ROR2: variants seen among roughly 807,000 people sequenced by gnomAD.
ROR2 encodes the protein ROR family WNT receptor 2, also known as tyrosine-protein kinase transmembrane receptor ROR2.
A neutral mutation model predicts 74.9 loss-of-function variants in ROR2; 33 were observed. That is an observed-to-expected ratio of 0.44 (90% CI 0.33 to 0.59). The LOEUF (loss-of-function observed/expected upper bound fraction) is 0.59. Ranked by LOEUF, ROR2 falls within the 20% of genes least tolerant of loss-of-function variation. The probability of loss-of-function intolerance (pLI) is 0.02; values close to 1 mark genes in which losing one functional copy is unlikely to be tolerated. For missense variants in ROR2, 1,216 were observed against 1,313.8 expected (o/e 0.93, Z 1.15); for synonymous variants, 586 against 558.7 (o/e 1.05, Z -0.69).
intron 7 of ROR2, 108 bp downstream of exon 7, chr9:91,730,802 G>C: frequency 1.4e-6 from 2 of 1,439,640 alleles, no homozygotes; most frequent in Non-Finnish European, 1.9e-6. Context: ...GGGGTCTCTG[G>C]TCGCCACCGT....
At chr9:91,790,214 A>G (rs1322749309) in intron 1 of ROR2, among the ~76,000 whole-genome samples, 1 of 152,140 alleles carries the variant, frequency 6.6e-6, no homozygotes, top group African/African-American at 2.4e-5. Context: ...ATAAAAGTAC[A>G]GCACAGGCCG....
intron 1 of ROR2, among the ~76,000 whole-genome samples, chr9:91,947,458 T>C (rs1345955111): frequency 6.6e-6 from 1 of 152,254 alleles, no homozygotes; most frequent in Admixed American, 6.5e-5. Flanking sequence ...CCTTACTATA[T>C]ACATAAAAAC....
chr9:91,791,527 G>A (rs1826976679), intron 1 of ROR2, among the ~76,000 whole-genome samples: 1 of 152,170 alleles, frequency 6.6e-6, no homozygotes, highest in South Asian at 2.1e-4. Context: ...ACTGCTAAGA[G>A]GGTCAACCCA....
intron 1 of ROR2, among the ~76,000 whole-genome samples, chr9:91,798,527 T>A (rs1336197334): frequency 8.0e-6 from 1 of 125,006 alleles, no homozygotes; most frequent in Admixed American, 8.2e-5. Context: ...CTGGGCTCTG[T>A]GGGTGGGGAA....
At position 91,861,350 on chromosome 9, in the gene ROR2, T is replaced by C. The variant is rs149770333; in HGVS notation, c.98-85532A>G. On this transcript the variant is annotated intron_variant, in intron 1 of 8. Coordinates refer to ENST00000375708, the MANE Select transcript of ROR2 (RefSeq NM_004560.4). The stretch of plus-strand genomic sequence containing the variant: ...GTTGAAAAAAATAAAAGGAACTAAG[T>C]TGGAGGACTCATAGACTTCTCAGTA... Among the ~76,000 whole-genome samples the C allele has an allele frequency of 1.4e-3, 218 of 152,204 alleles. 1 individual carries two copies. Among genetic ancestry groups the C allele is most frequent in the Middle Eastern group, 3.4e-3 (1 of 294 alleles).
rs867038828 is a variant in ROR2 at position 91,733,173 on chromosome 9, C to A, written c.886G>T (p.Asp296Tyr). ...CCAATGCGCATGCAGTTGGCAGCGT[C>A]GGGGCTCTCAGGCATGGGCAGCGCC... ...CEALPMPESP[D>Y]AANCMRIGIP... Residue 296 changes from aspartate (D) to tyrosine (Y), a missense_variant, in exon 6 of 9, where the codon GAC becomes TAC. Physicochemically the swap from Asp to Tyr is radical, Grantham distance 160. Transcript: ENST00000375708. This position sits in a 1 kb window ranked among gnomAD's most constrained non-coding sequence, Gnocchi z 5.7. 3 of 1,608,406 alleles carry A rather than the reference C, an allele frequency of 1.9e-6. No individual in the cohort carries two copies. Among genetic ancestry groups the A allele is most frequent in the Non-Finnish European group, 2.5e-6 (3 of 1,178,414 alleles).
At chr9:91,918,691 C>G (rs1205049401) in intron 1 of ROR2, among the ~76,000 whole-genome samples, 1 of 152,114 alleles carries the variant, frequency 6.6e-6, no homozygotes, top group Non-Finnish European at 1.5e-5. Flanking sequence ...GTGAATTGTA[C>G]GCTCCGAAAA....
At chr9:91,788,028 G>A (rs1159734117) in intron 1 of ROR2, among the ~76,000 whole-genome samples, 14 of 152,302 alleles carry the variant, frequency 9.2e-5, no homozygotes. Context: ...ATAGTAATAA[G>A]GTGATTAAAA....
intron 1 of ROR2, among the ~76,000 whole-genome samples, chr9:91,856,889 G>A (rs1452086074): frequency 6.6e-6 from 1 of 152,136 alleles, no homozygotes; most frequent in Non-Finnish European, 1.5e-5. Flanking sequence ...CCATGCCAGG[G>A]GTATTATTTT....
At chr9:91,811,061 C>A (rs1329944399) in intron 1 of ROR2, among the ~76,000 whole-genome samples, 2 of 152,238 alleles carry the variant, frequency 1.3e-5, no homozygotes, top group African/African-American at 4.8e-5. Flanking sequence ...CTCTCTTCGG[C>A]CTGAGGAGGC....
intron 1 of ROR2, among the ~76,000 whole-genome samples, chr9:91,825,631 CA>C (rs1352757808): frequency 6.6e-6 from 1 of 152,094 alleles, no homozygotes; most frequent in Non-Finnish European, 1.5e-5. Context: ...GGCACACATC[CA>C]ATGTTGTATT....
chr9:91,850,959 T>C (rs1362629502), intron 1 of ROR2, among the ~76,000 whole-genome samples: 1 of 152,208 alleles, frequency 6.6e-6, no homozygotes, highest in Non-Finnish European at 1.5e-5. Flanking sequence ...TAATATGATC[T>C]TCTCCCAAAG....
chr9:91,882,169 T>G (rs1354943338), intron 1 of ROR2, among the ~76,000 whole-genome samples: 1 of 152,062 alleles, frequency 6.6e-6, no homozygotes, highest in Non-Finnish European at 1.5e-5. Flanking sequence ...TCTAACACTT[T>G]GGGAGGCTGA....
intron 4 of ROR2, among the ~76,000 whole-genome samples, chr9:91,748,369 G>C (rs762438407): frequency 7.2e-5 from 11 of 152,002 alleles, no homozygotes; most frequent in Non-Finnish European, 1.2e-4. Context: ...CCATTAACTT[G>C]ATTTAGCCAT....
At chr9:91,915,803 T>G (rs546883741) in intron 1 of ROR2, among the ~76,000 whole-genome samples, 1 of 152,224 alleles carries the variant, frequency 6.6e-6, no homozygotes, top group Non-Finnish European at 1.5e-5. Context: ...AACCTCTAGC[T>G]AGACGCAGAG....
intron 1 of ROR2, among the ~76,000 whole-genome samples, chr9:91,798,344 A>G (rs1433969479): frequency 3.1e-4 from 19 of 61,948 alleles, no homozygotes; most frequent in South Asian, 5.8e-4. Flanking sequence ...TAGTGAGTGG[A>G]GCTGACACCC....
intron 1 of ROR2, among the ~76,000 whole-genome samples, chr9:91,907,262 C>T (rs1003082232): frequency 2.6e-5 from 4 of 152,128 alleles, no homozygotes; most frequent in African/African-American, 9.7e-5. Flanking sequence ...CAATGGCATG[C>T]AGCCCCCAGA....
intron 1 of ROR2, among the ~76,000 whole-genome samples, chr9:91,913,658 T>G (rs1284456251): frequency 6.6e-6 from 1 of 152,222 alleles, no homozygotes. Flanking sequence ...CTCTCTAAAC[T>G]ACTCCCCAAA....
chr9:91,910,166 T>G (rs1830938841), intron 1 of ROR2, among the ~76,000 whole-genome samples: 1 of 152,140 alleles, frequency 6.6e-6, no homozygotes, highest in South Asian at 2.1e-4. Context: ...AGCCAATCTT[T>G]ACTTTTAACC....
Sources: gnomAD v4.1 joint callset for allele counts (sites outside exome capture counted in the v4.1 genomes callset) on GRCh38, gnomAD v4.1.1 for gene constraint, Gnocchi (gnomAD v3.1) non-coding constraint, MANE v1.5 for transcripts, NCBI Gene and HGNC (gene_info 2026-07-23, HGNC 2026-07-21) for gene names.